The following PDLIM5 variants were observed in gnomAD, a reference collection of about 807,000 sequenced individuals.
The protein encoded by PDLIM5 is PDZ and LIM domain 5.
A neutral mutation model predicts 64.2 loss-of-function variants in PDLIM5; 34 were observed. The ratio of observed to expected loss-of-function variants is 0.53; its 90% CI spans 0.40 to 0.71. The LOEUF is 0.71. Ranked by LOEUF, PDLIM5 falls within the 30% of genes least tolerant of loss-of-function variation. The probability of loss-of-function intolerance (pLI) is 0.00; values close to 1 mark genes in which losing one functional copy is unlikely to be tolerated. For missense variants in PDLIM5, 683 were observed against 733.6 expected, an observed-to-expected ratio of 0.93 and a Z score of 0.80; for synonymous variants, 253 against 269.1, an observed-to-expected ratio of 0.94 and a Z score of 0.59.
intron 3 of PDLIM5, among the ~76,000 whole-genome samples, chr4:94,561,701 A>G (rs1416672969): frequency 6.6e-6 from 1 of 152,172 alleles, no homozygotes; most frequent in Admixed American, 6.5e-5. Context: ...CTCAGATTAG[A>G]GGTTATGTTT....
rs188766822 is a variant in PDLIM5 at position 94,595,852 on chromosome 4, A to G, written c.920+9408A>G. ...TAGCCTGATATTTGCACATATTTTCATGAGATAAGAATTAGCAATTGGACT... is the reference window on the plus strand; with the variant it reads ...TAGCCTGATATTTGCACATATTTTCGTGAGATAAGAATTAGCAATTGGACT... On this transcript the variant is annotated intron_variant, in intron 7 of 12. Transcript: ENST00000317968. 3.9e-5 allele frequency among the ~76,000 whole-genome samples: 6 copies of G among 152,260 alleles called. No homozygotes were observed. In the East Asian group the frequency reaches 1.2e-3, roughly 29 times the overall value.
intron 8 of PDLIM5, among the ~76,000 whole-genome samples, chr4:94,637,124 G>T (rs745807146): frequency 4.6e-5 from 7 of 152,186 alleles, no homozygotes; most frequent in Admixed American, 2.6e-4. Context: ...GCAGACTCTG[G>T]AGCCAGACAG....
intron 2 of PDLIM5, among the ~76,000 whole-genome samples, chr4:94,502,000 G>A (rs1439739984): frequency 6.6e-6 from 1 of 152,032 alleles, no homozygotes; most frequent in Non-Finnish European, 1.5e-5. Flanking sequence ...GGGACTTTGG[G>A]GGCTCTGCCT....
chr4:94,659,712 T>C (rs1290575724), intron 11 of PDLIM5, among the ~76,000 whole-genome samples: 2 of 151,988 alleles, frequency 1.3e-5, no homozygotes, highest in African/African-American at 4.8e-5. Context: ...GTATTTTTAG[T>C]AGAGACGGGG....
chr4:94,575,933 C>G lies in PDLIM5; in HGVS notation c.609C>G (p.Val203=), dbSNP rs1370361922. ...GCGCTGGTAAAACTGCAGTTAATGT[C>G]CCACGGCAGCCCACAGTCACCAGCG... ...ALSAGKTAVN[V]PRQPTVTSVC... Residue 203 remains valine, a synonymous_variant, in exon 5 of 13, where the codon GTC becomes GTG. Coordinates refer to ENST00000317968, the MANE Select transcript of PDLIM5 (RefSeq NM_006457.5). The G allele has an allele frequency of 1.9e-6, 3 of 1,614,088 alleles. No homozygotes were observed. The Admixed American group carries it at 5.0e-5, about 27-fold the overall frequency.
At chr4:94,605,249 C>T (rs2110360228) in intron 7 of PDLIM5, among the ~76,000 whole-genome samples, 1 of 152,170 alleles carries the variant, frequency 6.6e-6, no homozygotes, top group Admixed American at 6.5e-5. Context: ...TCTTACTGGT[C>T]CTACAGGATG....
chr4:94,634,615 A>G (rs1740411088), intron 8 of PDLIM5, among the ~76,000 whole-genome samples: 1 of 152,214 alleles, frequency 6.6e-6, no homozygotes, highest in Non-Finnish European at 1.5e-5. Flanking sequence ...TATTTGAACC[A>G]CAGAATCAAC....
chr4:94,653,001 T>A (rs1174917176), intron 9 of PDLIM5, among the ~76,000 whole-genome samples: 1 of 152,156 alleles, frequency 6.6e-6, no homozygotes, highest in African/African-American at 2.4e-5. Flanking sequence ...GCAAGGTTTA[T>A]GTTATTGTCA....
At chr4:94,536,878 G>A (rs3805284) in intron 3 of PDLIM5, among the ~76,000 whole-genome samples, 13,631 of 152,212 alleles carry the variant, frequency 0.09, 1,002 homozygotes, top group East Asian at 0.27. Flanking sequence ...GACTGAAATA[G>A]CTTAGGCTTT....
intron 2 of PDLIM5, among the ~76,000 whole-genome samples, chr4:94,519,511 A>G (rs1204318560): frequency 6.6e-6 from 1 of 152,214 alleles, no homozygotes; most frequent in Non-Finnish European, 1.5e-5. Flanking sequence ...GCCTGACTTC[A>G]AAGCCTGTGC....
chr4:94,572,586 A>G (rs998360117), intron 3 of PDLIM5, among the ~76,000 whole-genome samples: 4 of 152,200 alleles, frequency 2.6e-5, no homozygotes, highest in Admixed American at 6.5e-5. Context: ...CAAAAAACAT[A>G]TATTTAAAAT....
rs1476558382 is a variant in PDLIM5, at chr4:94,494,442, T to G, written c.97-29282T>G. Among the ~76,000 whole-genome samples, 36 of 130,068 alleles carry G rather than the reference T, an allele frequency of 2.8e-4. 1 individual carries two copies. Among genetic ancestry groups the G allele is most frequent in the East Asian group, 1.2e-3 (5 of 4,144 alleles). The allele number at this position is 130,068 out of a possible 152,430, so 85.3% of individuals were successfully genotyped here. A position where few individuals can be genotyped will look rare whatever the true frequency, so the allele number is the denominator to read the frequency against. On this transcript the variant is annotated intron_variant, in intron 2 of 12. Coordinates refer to ENST00000317968, the MANE Select transcript of PDLIM5 (RefSeq NM_006457.5). Reference sequence around the variant, plus strand: ...AATTTTTTTTTTCTTGTTTTTTTTTTTTTTTTTTTTTTTTGAGACGGAATT... The same window carrying G: ...AATTTTTTTTTTCTTGTTTTTTTTTGTTTTTTTTTTTTTTGAGACGGAATT...
chr4:94,499,653 C>G (rs1727732437), intron 2 of PDLIM5, among the ~76,000 whole-genome samples: 1 of 152,144 alleles, frequency 6.6e-6, no homozygotes, highest in African/African-American at 2.4e-5. Flanking sequence ...GCACTAGTCC[C>G]CAGTCCCCGG....
chr4:94,586,964 T>C (rs1736265278), intron 7 of PDLIM5: 3 of 1,506,076 alleles, frequency 2.0e-6, no homozygotes, highest in Non-Finnish European at 2.7e-6. Context: ...ACTCTTTTTT[T>C]TTTTTTTTTT....
At chr4:94,604,035 G>T (rs12639623) in intron 7 of PDLIM5, among the ~76,000 whole-genome samples, 71,357 of 151,906 alleles carry the variant, frequency 0.47, 17,169 homozygotes, top group South Asian at 0.74. Flanking sequence ...TATAAATCTG[G>T]ACATTAGGTG....
chr4:94,624,871 A>T lies in PDLIM5; in HGVS notation c.1108+6680A>T, dbSNP rs531452306. ...GATGCTGAAAGGAAGCTATTAAAAC[A>T]TTTATAAGCCGGAAGTGGCAAAATC... On this transcript the variant is annotated intron_variant, in intron 8 of 12. Coordinates refer to ENST00000317968, the MANE Select transcript of PDLIM5 (RefSeq NM_006457.5). Among the ~76,000 whole-genome samples, 64 of 152,364 alleles carry T rather than the reference A, an allele frequency of 4.2e-4. 1 individual carries two copies. The highest frequency in any genetic ancestry group is 1.2e-3 in the African/African-American group (51 of 41,590).
At chr4:94,463,259 T>C (rs1394689791) in intron 2 of PDLIM5, among the ~76,000 whole-genome samples, 1 of 152,110 alleles carries the variant, frequency 6.6e-6, no homozygotes, top group African/African-American at 2.4e-5. Flanking sequence ...CAAAACAGGG[T>C]TTAGGGGCAC....
At chr4:94,624,205 CTG>C (rs1739482823) in intron 8 of PDLIM5, among the ~76,000 whole-genome samples, 2 of 151,806 alleles carry the variant, frequency 1.3e-5, no homozygotes, top group South Asian at 4.2e-4. Context: ...ATGGTCCCAG[CTG>C]CTCGGGAGGC....
At chr4:94,595,475 C>T (rs1313549155) in intron 7 of PDLIM5, among the ~76,000 whole-genome samples, 3 of 152,158 alleles carry the variant, frequency 2.0e-5, no homozygotes, top group African/African-American at 7.2e-5. Flanking sequence ...TGATTTCTGG[C>T]TGAAGGCCAT....
Sources: allele counts gnomAD v4.1 joint callset (sites outside exome capture counted in the v4.1 genomes callset), GRCh38; gene constraint gnomAD v4.1.1; transcripts MANE v1.5; gene names NCBI Gene and HGNC (gene_info 2026-07-23, HGNC 2026-07-21).